GCSH: variants seen among roughly 807,000 people sequenced by gnomAD.
GCSH encodes glycine cleavage system protein H, also known as glycine cleavage system H protein, mitochondrial.
Under a neutral mutation model 21.3 loss-of-function variants are expected in GCSH, and 15 were observed. The observed-to-expected ratio is 0.70, with a 90% confidence interval of 0.47 to 1.08. GCSH has a LOEUF of 1.08. Ranked by LOEUF, GCSH falls within the 50% of genes least tolerant of loss-of-function variation. The pLI is 0.00. For synonymous variants in GCSH, 59 were observed against 84.5 expected, an observed-to-expected ratio of 0.70 and a Z score of 1.66; for missense variants, 179 against 217.5, an observed-to-expected ratio of 0.82 and a Z score of 1.11.
rs1321910598 is a variant in GCSH, at chr16:81,094,028, A to C, written c.148+2103T>G. On this transcript the variant is annotated intron_variant, in intron 1 of 4. Transcript: ENST00000315467. The stretch of plus-strand genomic sequence containing the variant: ...GTGATTCGGCCTCATCCTCCCAAGG[A>C]GCTGGGATTACAAGCACGTGCCACC... Among the ~76,000 whole-genome samples, 4 of 151,722 alleles carry C rather than the reference A, an allele frequency of 2.6e-5. 1 individual carries two copies. Among genetic ancestry groups the C allele is most frequent in the Admixed American group, 2.6e-4 (4 of 15,192 alleles).
intron 1 of GCSH, 103 bp downstream of exon 1, chr16:81,096,028 G>A (rs1426787203): frequency 4.0e-6 from 4 of 996,246 alleles, no homozygotes; most frequent in Non-Finnish European, 5.2e-6. Flanking sequence ...CTCCGCCCCG[G>A]TGGCTCAGGA....
chr16:81,084,993 G>A (rs1324268665), intron 3 of GCSH, among the ~76,000 whole-genome samples: 13 of 138,620 alleles, frequency 9.4e-5, no homozygotes, highest in Admixed American at 3.8e-4. Flanking sequence ...GGGATTATAG[G>A]CATAAGCCAC....
At chr16:81,087,713 A>T (rs1374163181) in intron 2 of GCSH, 49 bp from the exon 3 acceptor site, 1 of 1,266,162 alleles carries the variant, frequency 7.9e-7, no homozygotes, top group Non-Finnish European at 1.2e-6. Flanking sequence ...TTATAACTAA[A>T]CCCTCCAGTA....
At chr16:81,088,904 G>A (rs942214358) in intron 2 of GCSH, among the ~76,000 whole-genome samples, 7 of 152,110 alleles carry the variant, frequency 4.6e-5, no homozygotes, top group Non-Finnish European at 7.3e-5. Context: ...CAACCCCACC[G>A]TTCCGATGCC....
chr16:81,090,841 T>C (rs1002592568), intron 1 of GCSH, 161 bp from the exon 2 acceptor site: 1 of 690,452 alleles, frequency 1.4e-6, no homozygotes, highest in Non-Finnish European at 2.7e-6. Flanking sequence ...AGATCATGTA[T>C]AGAGATGACG....
chr16:81,085,333 T>C (rs1275188564), intron 3 of GCSH, among the ~76,000 whole-genome samples: 4 of 152,058 alleles, frequency 2.6e-5, no homozygotes, highest in African/African-American at 9.7e-5. Context: ...TAATTAAAAA[T>C]AAAACCATAA....
At chr16:81,085,297 G>A (rs1006404974) in intron 3 of GCSH, among the ~76,000 whole-genome samples, 12 of 152,180 alleles carry the variant, frequency 7.9e-5, no homozygotes, top group Non-Finnish European at 1.5e-4. Flanking sequence ...ATAACCGTGA[G>A]CCACCGTGCC....
intron 1 of GCSH, among the ~76,000 whole-genome samples, chr16:81,095,309 G>C (rs1021720536): frequency 6.6e-6 from 1 of 151,748 alleles, no homozygotes; most frequent in African/African-American, 2.4e-5. Context: ...ACTTGTTTTG[G>C]GGAAATAGCT....
intron 2 of GCSH, among the ~76,000 whole-genome samples, chr16:81,089,227 G>A (rs1972344270): frequency 6.6e-6 from 1 of 152,138 alleles, no homozygotes; most frequent in African/African-American, 2.4e-5. Flanking sequence ...GGGAGCAGAA[G>A]TGTTTTGGAT....
intron 1 of GCSH, among the ~76,000 whole-genome samples, chr16:81,094,706 A>T (rs1972464583): frequency 2.0e-5 from 3 of 151,956 alleles, no homozygotes. Flanking sequence ...CCAGCTCCAA[A>T]CAGGTTTCTA....
At chr16:81,087,502 A>G in intron 3 of GCSH, 99 bp downstream of exon 3, 1 of 895,142 alleles carries the variant, frequency 1.1e-6, no homozygotes, top group Non-Finnish European at 1.8e-6. Flanking sequence ...TCTCCAAAAA[A>G]AAAAAAGCAC....
chr16:81,081,982 T>C lies in GCSH; in HGVS notation c.*884A>G, dbSNP rs1972172833. Reference sequence around the variant, plus strand: ...AAGCTTCAGTCCTTGTCCACTTTTATTCCCATGACTTAAGTGGAAACCTGA... The same window carrying C: ...AAGCTTCAGTCCTTGTCCACTTTTACTCCCATGACTTAAGTGGAAACCTGA... On this transcript the variant is annotated 3_prime_UTR_variant, in exon 5 of 5. Transcript: ENST00000315467. 2.2e-6 allele frequency: 1 copy of C among 452,582 alleles called. No individual in the cohort carries two copies. Among genetic ancestry groups the C allele is most frequent in the African/African-American group, 2.0e-5 (1 of 49,970 alleles). 28.0% of individuals were successfully genotyped at this position (452,582 alleles called of 1,614,324 possible).
intron 3 of GCSH, 114 bp from the exon 4 acceptor site, chr16:81,084,708 T>C: frequency 1.3e-6 from 1 of 777,038 alleles, no homozygotes; most frequent in Non-Finnish European, 2.0e-6. Context: ...AAATTCCAAA[T>C]TTCTTTTTTT....
In GCSH at chr16:81,094,126, C is replaced by T. The variant is rs570813185; in HGVS notation, c.148+2005G>A. The stretch of plus-strand genomic sequence containing the variant: ...TGTTGGCCAGGCTGGTCTTGAACTC[C>T]TGACCTCAGGTGATCCGCCCGCCTC... On this transcript the variant is annotated intron_variant, in intron 1 of 4. Coordinates refer to ENST00000315467, the MANE Select transcript of GCSH (RefSeq NM_004483.5). Among the ~76,000 whole-genome samples, 157 of 152,170 alleles carry T rather than the reference C, an allele frequency of 1.0e-3. 1 individual carries two copies. The highest frequency in any genetic ancestry group is 3.4e-3 in the Middle Eastern group (1 of 294).
rs373204549 is a variant in GCSH at position 81,090,383 on chromosome 16, AT to A, written c.228+217del. Among the ~76,000 whole-genome samples, 431 of 148,290 alleles carry A rather than the reference AT, an allele frequency of 2.9e-3. 3 individuals carry two copies. The highest frequency in any genetic ancestry group is 1.0e-2 in the African/African-American group (405 of 40,596). On this transcript the variant is annotated intron_variant, in intron 2 of 4. Transcript: ENST00000315467. ...AGGCATGAGCAACCATGCCAGGCTA[AT>A]TTTTTTTTTTAACTTTTGGTAGAGA...
chr16:81,084,853 A>AG (rs1972239943), intron 3 of GCSH, among the ~76,000 whole-genome samples: 1 of 151,596 alleles, frequency 6.6e-6, no homozygotes, highest in South Asian at 2.1e-4. Context: ...CTGGGACTAC[A>AG]GGCGCCCACC....
rs769505256 is a variant in GCSH, at chr16:81,082,776, T to G, written c.*90A>C. ...TTTTCCCCATCGGTAATACTAAAAG[T>G]TTCTATTCTAAGTCTTCTATCCACC... On this transcript the variant is annotated 3_prime_UTR_variant, in exon 5 of 5. Coordinates refer to ENST00000315467, the MANE Select transcript of GCSH (RefSeq NM_004483.5). 1.3e-4 allele frequency: 89 copies of G among 705,710 alleles called. No homozygotes were observed. The highest frequency in any genetic ancestry group is 1.9e-4 in the Non-Finnish European group (75 of 388,980). 43.7% of individuals were successfully genotyped at this position (705,710 alleles called of 1,614,324 possible).
At chr16:81,091,036 C>T (rs1972387207) in intron 1 of GCSH, 1 of 450,620 alleles carries the variant, frequency 2.2e-6, no homozygotes, top group Non-Finnish European at 4.3e-6. Flanking sequence ...ATCTGTGCCT[C>T]TGAAGACAAA....
intron 1 of GCSH, among the ~76,000 whole-genome samples, chr16:81,094,510 AG>A (rs2151774512): frequency 1.3e-5 from 2 of 151,966 alleles, no homozygotes; most frequent in South Asian, 2.1e-4. Flanking sequence ...ATCTCAAAAA[AG>A]AAGAAAAAAA....
Sources: allele counts gnomAD v4.1 joint callset (sites outside exome capture counted in the v4.1 genomes callset), GRCh38; gene constraint gnomAD v4.1.1; transcripts MANE v1.5; gene names NCBI Gene and HGNC (gene_info 2026-07-23, HGNC 2026-07-21).